COBLL1: variants seen among roughly 807,000 people sequenced by gnomAD.
COBLL1 encodes cordon-bleu WH2 repeat protein like 1, also known as cordon-bleu protein-like 1.
In COBLL1, 50 loss-of-function variants were observed where a neutral mutation model predicts 94.8. The observed-to-expected ratio is 0.53, with a 90% CI of 0.42 to 0.67. The LOEUF (loss-of-function observed/expected upper bound fraction) is 0.67, where lower values mean the gene tolerates loss of function less well. Among genes scored for constraint, COBLL1 ranks in the 30% least tolerant of loss-of-function variants. COBLL1 has a pLI of 0.00. For missense variants in COBLL1, 1,362 were observed against 1,348.7 expected, an observed-to-expected ratio of 1.01 and a Z score of -0.15; for synonymous variants, 448 against 473.8, an observed-to-expected ratio of 0.95 and a Z score of 0.71.
At chr2:164,667,825 A>G (rs1266035193) in intron 1 of COBLL1, among the ~76,000 whole-genome samples, 2 of 152,312 alleles carry the variant, frequency 1.3e-5, no homozygotes, top group Admixed American at 1.3e-4. Flanking sequence ...ATTAGCAATA[A>G]GGCTGCTTTG....
At chr2:164,769,295 T>C (rs1688086862) in intron 2 of COBLL1, among the ~76,000 whole-genome samples, 1 of 152,184 alleles carries the variant, frequency 6.6e-6, no homozygotes, top group Non-Finnish European at 1.5e-5. Context: ...TAAATTATCC[T>C]CAGCCATTCA....
intron 2 of COBLL1, among the ~76,000 whole-genome samples, chr2:164,783,379 T>C (rs534978598): frequency 6.6e-6 from 1 of 152,092 alleles, no homozygotes; most frequent in South Asian, 2.1e-4. Flanking sequence ...TGCCACTGCA[T>C]GCATTCTAGT....
rs368922917 is a variant in COBLL1 at position 164,821,631 on chromosome 2, C to T, written c.41+19525G>A. Among the ~76,000 whole-genome samples, 4 of 152,260 alleles carry T rather than the reference C, an allele frequency of 2.6e-5. No individual in the cohort carries two copies. In the South Asian group the frequency reaches 8.3e-4, roughly 32 times the overall value. Reference sequence around the variant, plus strand: ...AAGGCCTTTTCATTAGGAACCACTGCCAACAATAAAGTTTAGGGAAAGAAC... The same window carrying T: ...AAGGCCTTTTCATTAGGAACCACTGTCAACAATAAAGTTTAGGGAAAGAAC... On this transcript the variant is annotated intron_variant, in intron 2 of 13. Coordinates refer to ENST00000652658, the MANE Select transcript of COBLL1 (RefSeq NM_001365672.2).
chr2:164,787,567 G>A (rs546704305), intron 2 of COBLL1, among the ~76,000 whole-genome samples: 10 of 151,982 alleles, frequency 6.6e-5, no homozygotes, highest in Admixed American at 6.5e-4. Context: ...TAAGGCTGGG[G>A]GAAAAAATAA....
intron 2 of COBLL1, among the ~76,000 whole-genome samples, chr2:164,809,536 G>A (rs1684356719): frequency 6.6e-6 from 1 of 151,894 alleles, no homozygotes; most frequent in Non-Finnish European, 1.5e-5. Flanking sequence ...GGTCTTTCAA[G>A]AACAAATAGC....
At position 164,694,408 on chromosome 2, in the gene COBLL1, C is replaced by A. The variant is rs1055208031; in HGVS notation, c.2984G>T (p.Arg995Met). 1 of 1,613,950 alleles carries A rather than the reference C, an allele frequency of 6.2e-7. No homozygotes were observed. The highest frequency in any genetic ancestry group is 8.5e-7 in the Non-Finnish European group (1 of 1,179,936). The change falls in exon 12 of 14, where the codon AGG (arginine) becomes ATG (methionine). Residue 995 changes from arginine to methionine, a missense_variant. Coordinates refer to ENST00000652658, the MANE Select transcript of COBLL1 (RefSeq NM_001365672.2). Reference sequence around the variant, plus strand: ...GCGCTCTTTACTGAAAGACTGTGACCTTTTCACTACAGCAAGAGCAAACGG... The same window carrying A: ...GCGCTCTTTACTGAAAGACTGTGACATTTTCACTACAGCAAGAGCAAACGG... Reference protein sequence around the residue: ...PSPFALAVVKRSQSFSKERTE... With the variant: ...PSPFALAVVKMSQSFSKERTE...
intron 2 of COBLL1, among the ~76,000 whole-genome samples, chr2:164,805,327 CTCTCTCTCTCTATATA>C (rs1408403000): frequency 0.019 from 512 of 26,442 alleles, 5 homozygotes; most frequent in Middle Eastern, 0.06. Context: ...CTCTCTCTCT[CTCTCTCTCTCTATATA>C]TATATATATA....
chr2:164,840,180 T>C (rs1224845180), intron 2 of COBLL1, among the ~76,000 whole-genome samples: 7 of 152,230 alleles, frequency 4.6e-5, no homozygotes, highest in African/African-American at 1.7e-4. Flanking sequence ...AGTGACAACG[T>C]CGATTTTTCC....
rs1056185268 is a variant in COBLL1, at chr2:164,722,253, G to A, written c.818C>T (p.Ser273Phe). The A allele has an allele frequency of 2.0e-5, 33 of 1,614,018 alleles. No homozygotes were observed. Among genetic ancestry groups the A allele is most frequent in the Non-Finnish European group, 2.8e-5 (33 of 1,179,964 alleles). Residue 273 changes from serine (S) to phenylalanine (F), a missense_variant, in exon 7 of 14, where the codon TCC (serine) becomes TTC (phenylalanine). Ser to Phe is a radical substitution (Grantham distance 155). Transcript: ENST00000652658. ...VNKHRPTFTR[S>F]NTISKPYISN... ...AATATATGGTTTGGAAATGGTATTG[G>A]ACCTTGTAAAAGTTGGGCGGTGCTT...
intron 13 of COBLL1, among the ~76,000 whole-genome samples, chr2:164,689,249 T>C (rs935258941): frequency 1.3e-5 from 2 of 152,062 alleles, no homozygotes; most frequent in Non-Finnish European, 2.9e-5. Context: ...ACCATTATAA[T>C]GAAGGTTAAT....
At chr2:164,713,760 G>A (rs1042108729) in intron 7 of COBLL1, among the ~76,000 whole-genome samples, 1 of 152,110 alleles carries the variant, frequency 6.6e-6, no homozygotes, top group Admixed American at 6.6e-5. Context: ...AGGAGTTTGG[G>A]AAGAAAGATG....
chr2:164,841,995 G>A (rs1411321086), upstream of COBLL1: 1 of 1,539,856 alleles, frequency 6.5e-7, no homozygotes, highest in East Asian at 2.5e-5. The surrounding 1 kb of genome is among the most constrained non-coding windows in gnomAD (Gnocchi z 5.5). Context: ...GGAGCTCGCC[G>A]CCGCCTCTGC....
rs71393632 is a variant in COBLL1 at position 164,683,005 on chromosome 2, TACACACACACACACACACACAC to T, written c.*2919_*2940del. ...CTCCTTTCATGTTAAGAAACACACA[TACACACACACACACACACACAC>T]ACACACACACACAAAAGCCCCCAAC... is the stretch of plus-strand genomic sequence containing the variant. On this transcript the variant is annotated 3_prime_UTR_variant, in exon 14 of 14. Coordinates refer to ENST00000652658, the MANE Select transcript of COBLL1 (RefSeq NM_001365672.2). 1 of 138,820 alleles carries T rather than the reference TACACACACACACACACACACAC, an allele frequency of 7.2e-6. No individual in the cohort carries two copies. Among genetic ancestry groups the T allele is most frequent in the South Asian group, 2.4e-4 (1 of 4,182 alleles). The allele number at this position is 138,820 out of a possible 1,614,324, so 8.6% of individuals were successfully genotyped here.
At chr2:164,675,503 G>C (rs1225012372), downstream of COBLL1, among the ~76,000 whole-genome samples, 1 of 152,010 alleles carries the variant, frequency 6.6e-6, no homozygotes, top group Non-Finnish European at 1.5e-5. Flanking sequence ...ATTTAAAAAA[G>C]AAAAGAAAGC....
chr2:164,762,580 C>G (rs1028918082), intron 2 of COBLL1, among the ~76,000 whole-genome samples: 1 of 151,992 alleles, frequency 6.6e-6, no homozygotes, highest in Non-Finnish European at 1.5e-5. Flanking sequence ...TATACGAGAA[C>G]AAACTAGCTA....
chr2:164,800,692 A>G (rs1470002526), intron 2 of COBLL1: 1 of 624,802 alleles, frequency 1.6e-6, no homozygotes, highest in Non-Finnish European at 2.8e-6. Context: ...AAACTGCAGT[A>G]CATCCATACT....
At chr2:164,727,331 C>T (rs1457397040) in intron 5 of COBLL1, among the ~76,000 whole-genome samples, 1 of 151,996 alleles carries the variant, frequency 6.6e-6, no homozygotes, top group Non-Finnish European at 1.5e-5. Context: ...TTTTATTTCT[C>T]TTAGTGAAAC....
At chr2:164,710,707 G>A (rs1220755322) in intron 7 of COBLL1, among the ~76,000 whole-genome samples, 1 of 151,960 alleles carries the variant, frequency 6.6e-6, no homozygotes, top group Non-Finnish European at 1.5e-5. Context: ...GGGATTACAG[G>A]CAGCCACCAC....
intron 2 of COBLL1, among the ~76,000 whole-genome samples, chr2:164,783,434 G>A (rs759259037): frequency 2.6e-5 from 4 of 151,954 alleles, no homozygotes; most frequent in Non-Finnish European, 4.4e-5. Context: ...GAAAAGAAAG[G>A]AAGAGAAAAG....
Sources: allele counts gnomAD v4.1 joint callset (sites outside exome capture counted in the v4.1 genomes callset), GRCh38; gene constraint gnomAD v4.1.1; non-coding constraint Gnocchi (gnomAD v3.1); transcripts MANE v1.5; gene names NCBI Gene and HGNC (gene_info 2026-07-23, HGNC 2026-07-21).